ZKSCAN4: variants seen among roughly 807,000 people sequenced by gnomAD.
ZKSCAN4 encodes zinc finger with KRAB and SCAN domains 4.
Under a neutral mutation model 30.8 loss-of-function variants are expected in ZKSCAN4, and 23 were observed. The observed-to-expected ratio is 0.75, with a 90% CI of 0.54 to 1.06. ZKSCAN4 has a LOEUF of 1.06. ZKSCAN4 is among the 50% of genes least tolerant of loss of function. The probability of loss-of-function intolerance (pLI) is 0.00; values close to 1 mark genes in which losing one functional copy is unlikely to be tolerated. For synonymous variants in ZKSCAN4, 208 were observed against 252.5 expected, an observed-to-expected ratio of 0.82 and a Z score of 1.67; for missense variants, 556 against 665.4, an observed-to-expected ratio of 0.84 and a Z score of 1.81.
rs1277686692 is a variant in ZKSCAN4 at position 28,248,141 on chromosome 6, C to T, written c.580G>A (p.Val194Ile). 3 of 1,612,858 alleles carry T rather than the reference C, an allele frequency of 1.9e-6. No homozygotes were observed. In the African/African-American group the frequency reaches 4.0e-5, roughly 22 times the overall value. ...CACCCTCCCTGGGCAAGCCCAGGAA[C>T]CTGGAGAACTAAGAAAGAAAGAAGC... is the stretch of plus-strand genomic sequence containing the variant. ...SQPLHDRVLQVPGLAQGGCCR... is the reference protein window; with the variant it reads ...SQPLHDRVLQIPGLAQGGCCR... The change falls in exon 3 of 5, where the codon GTT becomes ATT. Residue 194 changes from valine (V) to isoleucine (I), a missense_variant. Around this residue, in one of 3 missense-constraint regions of ZKSCAN4, gnomAD observed 433 missense variants for 511.5 expected, o/e 0.85. Coordinates refer to ENST00000377294, the MANE Select transcript of ZKSCAN4 (RefSeq NM_019110.5).
the ZKSCAN4 span, among the ~76,000 whole-genome samples, chr6:28,257,573 C>G: frequency 2.6e-5 from 4 of 152,242 alleles, no homozygotes; most frequent in Admixed American, 6.5e-5. Flanking sequence ...ACAGTTATCT[C>G]TTCCTTGGAA....
Position 28,245,946 on chromosome 6 carries a change from A to C in ZKSCAN4, c.808T>G (p.Leu270Val). ...GGEIQTKSRD[L>V]PPVKKLPEKE... ...TCTGGAAGCTTCTTGACTGGAGGCA[A>C]GTCCCTGCTCTTAGTCTGTATTTCA... Residue 270 changes from leucine (L) to valine (V), a missense_variant, in exon 5 of 5, where the codon TTG (leucine) becomes GTG (valine). Coordinates refer to ENST00000377294, the MANE Select transcript of ZKSCAN4 (RefSeq NM_019110.5). 6.2e-7 allele frequency: 1 copy of C among 1,614,176 alleles called. No individual in the cohort carries two copies. Among genetic ancestry groups the C allele is most frequent in the Non-Finnish European group, 8.5e-7 (1 of 1,180,038 alleles).
upstream of ZKSCAN4, among the ~76,000 whole-genome samples, chr6:28,252,800 C>T (rs72850297): frequency 0.046 from 7,059 of 152,182 alleles, 254 homozygotes; most frequent in Non-Finnish European, 0.065. Flanking sequence ...CCCACTCCCC[C>T]ACTCACCACT....
rs1760975314 is a variant in ZKSCAN4 at position 28,251,151 on chromosome 6, C to A, written c.423+407G>T. On this transcript the variant is annotated intron_variant, in intron 1 of 4. Coordinates refer to ENST00000377294, the MANE Select transcript of ZKSCAN4 (RefSeq NM_019110.5). This position sits in a 1 kb window ranked among gnomAD's most constrained non-coding sequence, Gnocchi z 4.5. ...CAAATCAAGGTAGCATAAGCAGTACCCAGGACTTTGTCACCAACAAAACCT... is the reference window on the plus strand; with the variant it reads ...CAAATCAAGGTAGCATAAGCAGTACACAGGACTTTGTCACCAACAAAACCT... Among the ~76,000 whole-genome samples the A allele has an allele frequency of 6.6e-6, 1 of 152,088 alleles. No homozygotes were observed. Among genetic ancestry groups the A allele is most frequent in the African/African-American group, 2.4e-5 (1 of 41,372 alleles).
chr6:28,251,504 G>A lies in ZKSCAN4; in HGVS notation c.423+54C>T. ...AGGAATGCCCCTCGCTCCGATCTGGGATTTCAGGAGGAAACAGACCACAGC... is the reference window on the plus strand; with the variant it reads ...AGGAATGCCCCTCGCTCCGATCTGGAATTTCAGGAGGAAACAGACCACAGC... On this transcript the variant is annotated intron_variant, in intron 1 of 4. Transcript: ENST00000377294. The surrounding 1 kb of genome is among the most constrained non-coding windows in gnomAD (Gnocchi z 4.5). The A allele has an allele frequency of 6.2e-7, 1 of 1,614,066 alleles. No homozygotes were observed. The highest frequency in any genetic ancestry group is 8.5e-7 in the Non-Finnish European group (1 of 1,179,976).
chr6:28,259,080 C>CA, the ZKSCAN4 span, among the ~76,000 whole-genome samples: 1 of 152,306 alleles, frequency 6.6e-6, no homozygotes, highest in Non-Finnish European at 1.5e-5. Flanking sequence ...GGTGTTCCAA[C>CA]AGTAGAGGGG....
In ZKSCAN4 at chr6:28,251,295, A is replaced by G; in HGVS notation, c.423+263T>C. ...TTAGTGCAGTAATAAAAATCCACAT[A>G]TATGACTTTAATACAAATTTAATTC... is the stretch of plus-strand genomic sequence containing the variant. On this transcript the variant is annotated intron_variant, in intron 1 of 4. Coordinates refer to ENST00000377294, the MANE Select transcript of ZKSCAN4 (RefSeq NM_019110.5). This position sits in a 1 kb window ranked among gnomAD's most constrained non-coding sequence, Gnocchi z 4.5. The G allele has an allele frequency of 3.8e-6, 2 of 526,816 alleles. No homozygotes were observed. The highest frequency in any genetic ancestry group is 6.6e-6 in the Non-Finnish European group (2 of 303,966). The allele number at this position is 526,816 out of a possible 1,614,324, so 32.6% of individuals were successfully genotyped here. A position where few individuals can be genotyped will look rare whatever the true frequency, so the allele number is the denominator to read the frequency against.
Position 28,251,816 on chromosome 6 carries a change from G to T in ZKSCAN4, c.165C>A (p.Arg55=). The T allele has an allele frequency of 6.2e-7, 1 of 1,612,462 alleles. No homozygotes were observed. The highest frequency in any genetic ancestry group is 8.5e-7 in the Non-Finnish European group (1 of 1,178,912). The change falls in exon 1 of 5, where the codon CGC becomes CGA. Residue 55 remains arginine, a synonymous_variant. Coordinates refer to ENST00000377294, the MANE Select transcript of ZKSCAN4 (RefSeq NM_019110.5). The surrounding 1 kb of genome is among the most constrained non-coding windows in gnomAD (Gnocchi z 4.5). The stretch of plus-strand genomic sequence containing the variant: ...CCTCCGGGTAGCGGAAGCCTCGGAA[G>T]CGCTGGCGGGAGCGTTCGGGGCCCC... ...PARGPERSRQ[R]FRGFRYPEAA... is the part of the protein sequence containing the mutation.
rs766531827 is a variant in ZKSCAN4, at chr6:28,247,023, C to T, written c.724G>A (p.Val242Met). 5 of 1,613,388 alleles carry T rather than the reference C, an allele frequency of 3.1e-6. No individual in the cohort carries two copies. The highest frequency in any genetic ancestry group is 1.1e-5 in the South Asian group (1 of 90,842). Residue 242 changes from valine (V) to methionine (M), a missense_variant, in exon 4 of 5, where the codon GTG (valine) becomes ATG (methionine). Transcript: ENST00000377294. ...TGCTTTTCATCTCTGTAGAGGTTCA[C>T]CTGAGATGAATCCAGCTGTGTCCAC... ...PGWTQLDSSQ[V>M]NLYRDEKQEN...
rs543929203 is a variant in ZKSCAN4, at chr6:28,246,910, G to C, written c.778+59C>G. 3 of 1,539,886 alleles carry C rather than the reference G, an allele frequency of 1.9e-6. No individual in the cohort carries two copies. The African/African-American group carries it at 4.1e-5, about 21-fold the overall frequency. On this transcript the variant is annotated intron_variant, in intron 4 of 4. Transcript: ENST00000377294. ...CTTAACAGCTTCTAACAGCCCAATAGGTTCTAATACGCAAAGAATGCCAAG... is the reference window on the plus strand; with the variant it reads ...CTTAACAGCTTCTAACAGCCCAATACGTTCTAATACGCAAAGAATGCCAAG...
At chr6:28,259,211 G>T in the ZKSCAN4 span, 22 of 613,034 alleles carry the variant, frequency 3.6e-5, no homozygotes, top group Non-Finnish European at 5.8e-5. Flanking sequence ...ACGCAGCCAA[G>T]GCCCGCCCCA....
Position 28,245,735 on chromosome 6 carries a change from C to G in ZKSCAN4, c.1019G>C (p.Arg340Thr), listed in dbSNP as rs1401390002. 4 of 1,614,234 alleles carry G rather than the reference C, an allele frequency of 2.5e-6. No individual in the cohort carries two copies. In the Admixed American group the frequency reaches 5.0e-5, roughly 20 times the overall value. Residue 340 changes from arginine to threonine, a missense_variant, in exon 5 of 5, where the codon AGA becomes ACA. Coordinates refer to ENST00000377294, the MANE Select transcript of ZKSCAN4 (RefSeq NM_019110.5). Reference sequence around the variant, plus strand: ...ATAGGGTTTCTCACCAGTGTGGATTCTCCTGTGTTTAGTCAGGCCTGAACT... The same window carrying G: ...ATAGGGTTTCTCACCAGTGTGGATTGTCCTGTGTTTAGTCAGGCCTGAACT... ...AQSSGLTKHR[R>T]IHTGEKPYEC...
intron 1 of ZKSCAN4, among the ~76,000 whole-genome samples, chr6:28,250,258 C>T (rs957541044): frequency 1.3e-5 from 2 of 151,986 alleles, no homozygotes; most frequent in Non-Finnish European, 2.9e-5. Context: ...TAGTAGAGAC[C>T]GGGTTTCTCC....
In ZKSCAN4 at chr6:28,245,210, T is replaced by C. The variant is rs1760650783; in HGVS notation, c.1544A>G (p.Tyr515Cys). 1.2e-6 allele frequency: 2 copies of C among 1,614,090 alleles called. No individual in the cohort carries two copies. The highest frequency in any genetic ancestry group is 2.7e-5 in the African/African-American group (2 of 74,940). ...HQKIHTGEKP[Y>C]QCDTCGKGFT... The stretch of plus-strand genomic sequence containing the variant: ...ACCTTTTCCACATGTGTCACACTGA[T>C]AGGGTTTCTCACCAGTGTGGATTTT... The change falls in exon 5 of 5, where the codon TAT (tyrosine) becomes TGT (cysteine). Residue 515 changes from tyrosine to cysteine, a missense_variant. Physicochemically the swap from Tyr to Cys is radical, Grantham distance 194. Transcript: ENST00000377294.
chr6:28,248,978 A>G (rs1310591654), intron 2 of ZKSCAN4, among the ~76,000 whole-genome samples: 1 of 152,200 alleles, frequency 6.6e-6, no homozygotes, highest in Non-Finnish European at 1.5e-5. Context: ...TTTCCCTACA[A>G]TAAGTCAATT....
the ZKSCAN4 span, among the ~76,000 whole-genome samples, chr6:28,259,041 G>A: frequency 6.6e-6 from 1 of 152,124 alleles, no homozygotes; most frequent in African/African-American, 2.4e-5. Context: ...GAAGCAAAAT[G>A]GTAAAAGCGA....
chr6:28,247,468 GA>G (rs1760787479), intron 3 of ZKSCAN4, among the ~76,000 whole-genome samples: 1 of 149,496 alleles, frequency 6.7e-6, no homozygotes, highest in East Asian at 1.9e-4. Context: ...ATGAAATCTA[GA>G]ACTGAAGTGA....
upstream of ZKSCAN4, among the ~76,000 whole-genome samples, chr6:28,253,249 C>G (rs1175110423): frequency 1.3e-5 from 2 of 152,190 alleles, no homozygotes; most frequent in Non-Finnish European, 2.9e-5. The surrounding 1 kb of genome is among the most constrained non-coding windows in gnomAD (Gnocchi z 4.2). Context: ...CTGGACACTT[C>G]AGTAAGCCCC....
Position 28,246,171 on chromosome 6 carries a change from G to A in ZKSCAN4, c.779-196C>T, listed in dbSNP as rs532556845. 1.6e-3 allele frequency: 1,100 copies of A among 699,438 alleles called. 1 individual carries two copies. The highest frequency in any genetic ancestry group is 2.4e-3 in the Non-Finnish European group (1,032 of 430,034). The allele number at this position is 699,438 out of a possible 1,614,324, so 43.3% of individuals were successfully genotyped here. ...GAAGGAGGCCTGAGAATGAGAATGGGGCCATTGGAAGGGTACAAACTGGGA... is the reference window on the plus strand; with the variant it reads ...GAAGGAGGCCTGAGAATGAGAATGGAGCCATTGGAAGGGTACAAACTGGGA... On this transcript the variant is annotated intron_variant, in intron 4 of 4. Coordinates refer to ENST00000377294, the MANE Select transcript of ZKSCAN4 (RefSeq NM_019110.5).
Sources: allele counts gnomAD v4.1 joint callset (sites outside exome capture counted in the v4.1 genomes callset), GRCh38; gene constraint gnomAD v4.1.1; regional missense constraint gnomAD v4.1.1; non-coding constraint Gnocchi (gnomAD v3.1); transcripts MANE v1.5; gene names NCBI Gene and HGNC (gene_info 2026-07-23, HGNC 2026-07-21).